Variants in RBFOX1 observed in about 807,000 individuals in gnomAD.
RBFOX1 encodes RNA binding protein fox-1 homolog 1.
A neutral mutation model predicts 57.7 loss-of-function variants in RBFOX1; 8 were observed. The ratio of observed to expected loss-of-function variants is 0.14; its 90% confidence interval spans 0.08 to 0.25. The LOEUF is 0.25. Among genes scored for constraint, RBFOX1 ranks in the 10% least tolerant of loss-of-function variants. The pLI, the probability that RBFOX1 is intolerant of heterozygous loss-of-function variation, is 1.00. For synonymous variants in RBFOX1, 326 were observed against 222.4 expected (o/e 1.47, Z -4.15); for missense variants, 611 against 548.5 (o/e 1.11, Z -1.14).
chr16:6,921,281 G>T (rs1213469053), intron 3 of RBFOX1, among the ~76,000 whole-genome samples: 4 of 152,164 alleles, frequency 2.6e-5, no homozygotes, highest in African/African-American at 4.8e-5. Flanking sequence ...TTAAAATTTT[G>T]ATACAATTTA....
At chr16:7,152,281 G>A (rs950985716) in intron 4 of RBFOX1, among the ~76,000 whole-genome samples, 1 of 152,136 alleles carries the variant, frequency 6.6e-6, no homozygotes, top group African/African-American at 2.4e-5. Context: ...CCCATGGAAA[G>A]TATTCTATCA....
In RBFOX1 at chr16:6,929,186, C is replaced by G. The variant is rs1007185404; in HGVS notation, c.-15-122871C>G. Among the ~76,000 whole-genome samples the G allele has an allele frequency of 5.3e-5, 8 of 152,240 alleles. 1 individual carries two copies. Among genetic ancestry groups the G allele is most frequent in the Admixed American group, 4.6e-4 (7 of 15,278 alleles). ...CTACTACCTTCAGAGCAAACACATT[C>G]TACTCTTTGAAGGCAAGTGTGTTCT... On this transcript the variant is annotated intron_variant, in intron 3 of 15. Coordinates refer to ENST00000550418, the MANE Select transcript of RBFOX1 (RefSeq NM_018723.4).
intron 4 of RBFOX1, among the ~76,000 whole-genome samples, chr16:7,059,955 T>C (rs1398532543): frequency 2.0e-5 from 3 of 152,210 alleles, no homozygotes; most frequent in African/African-American, 4.8e-5. Context: ...ATTCAAAAAT[T>C]ATTTTGCTTA....
At chr16:7,631,283 C>T (rs372352200) in intron 11 of RBFOX1, among the ~76,000 whole-genome samples, 13 of 152,184 alleles carry the variant, frequency 8.5e-5, no homozygotes, top group South Asian at 6.2e-4. Context: ...CACTTTTAAA[C>T]GTAGATAAGT....
At chr16:5,803,219 C>G (rs547553672) in intron 3 of RBFOX1, among the ~76,000 whole-genome samples, 1 of 152,150 alleles carries the variant, frequency 6.6e-6, no homozygotes. Context: ...CTCAGTACCC[C>G]GTGAGTATGT....
chr16:6,623,618 C>T (rs546273573), intron 2 of RBFOX1, among the ~76,000 whole-genome samples: 37 of 152,002 alleles, frequency 2.4e-4, no homozygotes, highest in East Asian at 7.8e-4. Context: ...CAACAGGCCC[C>T]GGTGTCTAAT....
intron 2 of RBFOX1, among the ~76,000 whole-genome samples, chr16:5,492,146 C>T (rs940941926): frequency 6.6e-6 from 1 of 152,158 alleles, no homozygotes; most frequent in Non-Finnish European, 1.5e-5. Context: ...TCAGCAAGCC[C>T]TCCAGGACAT....
chr16:5,789,317 G>C (rs1318746971), intron 3 of RBFOX1, among the ~76,000 whole-genome samples: 1 of 152,180 alleles, frequency 6.6e-6, no homozygotes, highest in African/African-American at 2.4e-5. Context: ...GTGAAGGAGA[G>C]GCTGTGTGTG....
At chr16:7,517,613 A>G (rs1250337173) in intron 4 of RBFOX1, among the ~76,000 whole-genome samples, 3 of 151,996 alleles carry the variant, frequency 2.0e-5, no homozygotes, top group Non-Finnish European at 4.4e-5. Flanking sequence ...GACCATTAAA[A>G]GGATACTCCC....
At chr16:7,149,554 C>A (rs920114790) in intron 4 of RBFOX1, among the ~76,000 whole-genome samples, 51 of 147,452 alleles carry the variant, frequency 3.5e-4, no homozygotes, top group African/African-American at 1.1e-3. Flanking sequence ...GGTGCAATCT[C>A]AGCTCAGTGC....
At chr16:7,623,668 G>T (rs1222226968) in intron 10 of RBFOX1, among the ~76,000 whole-genome samples, 1 of 152,162 alleles carries the variant, frequency 6.6e-6, no homozygotes, top group Non-Finnish European at 1.5e-5. Context: ...AGTAGGGTCC[G>T]TGGCCCAGGG....
intron 3 of RBFOX1, among the ~76,000 whole-genome samples, chr16:6,866,686 C>T (rs898168555): frequency 1.5e-4 from 23 of 151,562 alleles, no homozygotes; most frequent in East Asian, 5.8e-4. Context: ...GGACTACAGG[C>T]GCCTGCCACC....
intron 3 of RBFOX1, among the ~76,000 whole-genome samples, chr16:5,817,385 G>C (rs2055681848): frequency 1.3e-5 from 2 of 152,174 alleles, no homozygotes; most frequent in South Asian, 4.1e-4. Flanking sequence ...TATCCCATTC[G>C]TGGTTGGAGT....
chr16:5,882,637 C>T (rs1436390), intron 4 of RBFOX1, among the ~76,000 whole-genome samples: 8,252 of 152,272 alleles, frequency 0.054, 770 homozygotes, highest in African/African-American at 0.19. Context: ...TGAGGGGACA[C>T]TCTCACAGTA....
At chr16:5,892,735 G>A (rs62017094) in intron 4 of RBFOX1, among the ~76,000 whole-genome samples, 33,566 of 152,040 alleles carry the variant, frequency 0.22, 3,835 homozygotes, top group South Asian at 0.25. Context: ...CCTGTCCAGG[G>A]GTAGTGGGGA....
intron 4 of RBFOX1, among the ~76,000 whole-genome samples, chr16:7,469,132 G>C (rs936567975): frequency 1.3e-5 from 2 of 152,014 alleles, no homozygotes; most frequent in Admixed American, 1.3e-4. Flanking sequence ...GACGGGGTTT[G>C]ACCGTGTTAG....
intron 3 of RBFOX1, among the ~76,000 whole-genome samples, chr16:6,785,993 C>T (rs2081896589): frequency 2.0e-5 from 3 of 152,216 alleles, no homozygotes; most frequent in Admixed American, 1.3e-4. Context: ...CAAATAGCTG[C>T]TCCTTAAACA....
chr16:7,222,288 A>G (rs1405802229), intron 4 of RBFOX1, among the ~76,000 whole-genome samples: 2 of 152,188 alleles, frequency 1.3e-5, no homozygotes, highest in Non-Finnish European at 2.9e-5. Context: ...AAGATATAAT[A>G]CTACACTAGA....
intron 4 of RBFOX1, among the ~76,000 whole-genome samples, chr16:5,933,956 C>T (rs1292296136): frequency 2.6e-5 from 4 of 152,084 alleles, no homozygotes; most frequent in Non-Finnish European, 4.4e-5. Flanking sequence ...CACCCTCCAC[C>T]CTCAAGTAGG....
Sources: allele counts gnomAD v4.1 joint callset (sites outside exome capture counted in the v4.1 genomes callset), GRCh38; gene constraint gnomAD v4.1.1; transcripts MANE v1.5; gene names NCBI Gene and HGNC (gene_info 2026-07-23, HGNC 2026-07-21).